Variants in CAMSAP2 observed in about 807,000 individuals in gnomAD.
CAMSAP2 encodes calmodulin-regulated spectrin-associated protein 2.
In CAMSAP2, 26 loss-of-function variants were observed where a neutral mutation model predicts 146.1. That is an observed-to-expected ratio of 0.18 (90% CI 0.13 to 0.25). The LOEUF is 0.25. Ranked by LOEUF, CAMSAP2 falls within the 10% of genes least tolerant of loss-of-function variation. The pLI is 1.00. For synonymous variants in CAMSAP2, 499 were observed against 596.6 expected, an observed-to-expected ratio of 0.84 and a Z score of 2.38; for missense variants, 1,381 against 1,759.3, an observed-to-expected ratio of 0.78 and a Z score of 3.85.
Position 200,809,743 on chromosome 1 carries a change from G to GATAATA in CAMSAP2, c.561+2214_561+2219dup, listed in dbSNP as rs933121165. Among the ~76,000 whole-genome samples the GATAATA allele has an allele frequency of 2.4e-3, 368 of 152,096 alleles. 2 individuals carry two copies. The highest frequency in any genetic ancestry group is 8.7e-3 in the African/African-American group (363 of 41,500). On this transcript the variant is annotated intron_variant, in intron 3 of 16. Coordinates refer to ENST00000358823, the MANE Select transcript of CAMSAP2 (RefSeq NM_203459.4). Reference sequence around the variant, plus strand: ...GAGATCCTCTCAAAATAATAATAATGATAATAATAATAACAGAATACCTGA... The same window carrying GATAATA: ...GAGATCCTCTCAAAATAATAATAATGATAATAATAATAATAATAACAGAATACCTGA...
At chr1:200,752,907 G>A (rs981535222) in intron 1 of CAMSAP2, among the ~76,000 whole-genome samples, 20 of 151,118 alleles carry the variant, frequency 1.3e-4, no homozygotes, top group Non-Finnish European at 8.8e-5. Context: ...GTGAGCCACC[G>A]TGCCTGGCCT....
intron 1 of CAMSAP2, among the ~76,000 whole-genome samples, chr1:200,750,026 G>A (rs1255734550): frequency 6.6e-6 from 1 of 152,154 alleles, no homozygotes; most frequent in African/African-American, 2.4e-5. Context: ...GAAGTCATTG[G>A]AAACCCTTGG....
Position 200,850,150 on chromosome 1 carries a change from T to A in CAMSAP2, c.3381T>A (p.Asp1127Glu), listed in dbSNP as rs1222949033. ...ATTTGAAACCCCCTGAAAAGGCTGA[T>A]GTACCTGTTGAAAAATATGATGGAG... The part of the protein sequence containing the change: ...LSDLKPPEKA[D>E]VPVEKYDGES... Residue 1127 changes from aspartate to glutamate, a missense_variant, in exon 11 of 17, where the codon GAT becomes GAA. Physicochemically the swap from Asp to Glu is conservative, Grantham distance 45. Coordinates refer to ENST00000358823, the MANE Select transcript of CAMSAP2 (RefSeq NM_203459.4). 2 of 1,610,282 alleles carry A rather than the reference T, an allele frequency of 1.2e-6. No individual in the cohort carries two copies.
At chr1:200,815,525 GAAT>G in intron 3 of CAMSAP2, 33 bp from the exon 4 acceptor site, 1 of 1,107,362 alleles carries the variant, frequency 9.0e-7, no homozygotes, top group South Asian at 1.9e-5. Flanking sequence ...TTCAAAAAAA[GAAT>G]AAAAATTCAA....
intron 1 of CAMSAP2, among the ~76,000 whole-genome samples, chr1:200,760,169 G>T (rs139467993): frequency 6.6e-6 from 1 of 152,290 alleles, no homozygotes; most frequent in African/African-American, 2.4e-5. Flanking sequence ...TGGGTGCCCA[G>T]GAAGTCTTTT....
intron 4 of CAMSAP2, among the ~76,000 whole-genome samples, chr1:200,816,719 CGCACATATATGTGTGT>C (rs1666510881): frequency 2.0e-5 from 2 of 99,564 alleles, no homozygotes; most frequent in East Asian, 2.7e-4. Flanking sequence ...TATATACACA[CGCACATATATGTGTGT>C]ACACACACAC....
At chr1:200,793,192 A>G (rs952092264) in intron 2 of CAMSAP2, among the ~76,000 whole-genome samples, 2 of 152,188 alleles carry the variant, frequency 1.3e-5, no homozygotes, top group African/African-American at 4.8e-5. Context: ...TCTGAGCTTC[A>G]GTTTTCCTCA....
intron 1 of CAMSAP2, among the ~76,000 whole-genome samples, chr1:200,750,993 C>A (rs1664490217): frequency 6.6e-6 from 1 of 150,534 alleles, no homozygotes; most frequent in South Asian, 2.1e-4. Flanking sequence ...ATCTCCAACT[C>A]CCGGGTTCAA....
In CAMSAP2 at chr1:200,860,642, C is replaced by T. The variant is rs1424314327; in HGVS notation, c.*2583C>T. 6.6e-6 allele frequency: 1 copy of T among 152,290 alleles called. No homozygotes were observed. The highest frequency in any genetic ancestry group is 2.4e-5 in the African/African-American group (1 of 41,442). The allele number at this position is 152,290 out of a possible 1,614,324, so 9.4% of individuals were successfully genotyped here. On this transcript the variant is annotated 3_prime_UTR_variant, in exon 17 of 17. Coordinates refer to ENST00000358823, the MANE Select transcript of CAMSAP2 (RefSeq NM_203459.4). ...TGCTGTGCTGTAAAATACTGTCATACTTGCTATTTCCTGGTACAGTGTAGT... is the reference window on the plus strand; with the variant it reads ...TGCTGTGCTGTAAAATACTGTCATATTTGCTATTTCCTGGTACAGTGTAGT...
At chr1:200,765,186 C>T (rs1045112288) in intron 2 of CAMSAP2, among the ~76,000 whole-genome samples, 1 of 152,088 alleles carries the variant, frequency 6.6e-6, no homozygotes, top group Non-Finnish European at 1.5e-5. Flanking sequence ...AAAATTAATA[C>T]TACAATCTGC....
intron 6 of CAMSAP2, among the ~76,000 whole-genome samples, chr1:200,841,393 C>T (rs945938359): frequency 4.6e-5 from 7 of 152,112 alleles, no homozygotes; most frequent in East Asian, 1.9e-4. Flanking sequence ...ATTACAGGCA[C>T]GCGCCACCAC....
chr1:200,827,532 A>G (rs894232707), intron 4 of CAMSAP2, among the ~76,000 whole-genome samples: 2 of 152,218 alleles, frequency 1.3e-5, no homozygotes, highest in African/African-American at 4.8e-5. Flanking sequence ...ATTAAAATAC[A>G]TTCCACAAAA....
rs979072665 is a variant in CAMSAP2 at position 200,738,946 on chromosome 1, G to T, written c.-882G>T. On this transcript the variant is annotated 5_prime_UTR_variant, in exon 1 of 17. Coordinates refer to ENST00000358823, the MANE Select transcript of CAMSAP2 (RefSeq NM_203459.4). Reference sequence around the variant, plus strand: ...GCCGCAGCCGGAAAACCGCAGCGGCGGCGGCGGCGGCTGAGGGGGAACGAT... The same window carrying T: ...GCCGCAGCCGGAAAACCGCAGCGGCTGCGGCGGCGGCTGAGGGGGAACGAT... 2.6e-5 allele frequency among the ~76,000 whole-genome samples: 4 copies of T among 152,076 alleles called. No individual in the cohort carries two copies. The highest frequency in any genetic ancestry group is 2.9e-5 in the Non-Finnish European group (2 of 67,956).
intron 2 of CAMSAP2, among the ~76,000 whole-genome samples, chr1:200,765,625 A>AT (rs1664928836): frequency 6.6e-6 from 1 of 152,182 alleles, no homozygotes; most frequent in Non-Finnish European, 1.5e-5. Context: ...GGGAAAAAAA[A>AT]CTAGACAGTA....
chr1:200,761,584 A>G (rs1255646903), intron 2 of CAMSAP2, among the ~76,000 whole-genome samples: 1 of 152,064 alleles, frequency 6.6e-6, no homozygotes, highest in Admixed American at 6.5e-5. Flanking sequence ...AAAAATGCAA[A>G]ATTAGCCGGG....
chr1:200,782,526 T>C (rs772381321), intron 2 of CAMSAP2, among the ~76,000 whole-genome samples: 2 of 152,214 alleles, frequency 1.3e-5, no homozygotes, highest in South Asian at 4.1e-4. Context: ...AATTTTTGCC[T>C]GTTCTAGAAT....
At position 200,824,749 on chromosome 1, in the gene CAMSAP2, C is replaced by T. The variant is rs558398430; in HGVS notation, c.646-7451C>T. ...ATCCCCGCACTTTGGGAGGCCGAGG[C>T]GGGTGGATCACTTGAGGTCAGAAGT... On this transcript the variant is annotated intron_variant, in intron 4 of 16. Coordinates refer to ENST00000358823, the MANE Select transcript of CAMSAP2 (RefSeq NM_203459.4). Among the ~76,000 whole-genome samples the T allele has an allele frequency of 4.5e-4, 69 of 152,282 alleles. No homozygotes were observed. In the Middle Eastern group the frequency reaches 0.014, roughly 30 times the overall value.
At chr1:200,806,795 A>G (rs554952508) in intron 2 of CAMSAP2, among the ~76,000 whole-genome samples, 1 of 151,112 alleles carries the variant, frequency 6.6e-6, no homozygotes, top group Non-Finnish European at 1.5e-5. Flanking sequence ...CTATCTATCT[A>G]TCTATCTATC....
intron 2 of CAMSAP2, among the ~76,000 whole-genome samples, chr1:200,776,152 A>C (rs1469801022): frequency 6.6e-6 from 1 of 152,200 alleles, no homozygotes; most frequent in Non-Finnish European, 1.5e-5. Context: ...GAAAATGCAT[A>C]GCTTTAGATG....
Sources: allele counts gnomAD v4.1 joint callset (sites outside exome capture counted in the v4.1 genomes callset), GRCh38; gene constraint gnomAD v4.1.1; transcripts MANE v1.5; gene names NCBI Gene and HGNC (gene_info 2026-07-23, HGNC 2026-07-21).